Variants in NUP85 observed in about 807,000 individuals in gnomAD.
NUP85 encodes nucleoporin 85.
A neutral mutation model predicts 92.8 loss-of-function variants in NUP85; 23 were observed. The ratio of observed to expected loss-of-function variants is 0.25; its 90% CI spans 0.18 to 0.35. The LOEUF is 0.35. Ranked by LOEUF, NUP85 falls within the 10% of genes least tolerant of loss-of-function variation. The pLI is 1.00. For missense variants in NUP85, 759 were observed against 822.8 expected (o/e 0.92, Z 0.95); for synonymous variants, 314 against 306.9 (o/e 1.02, Z -0.24).
chr17:75,233,343 ATGTTTGTTTGTT>A (rs201486765), intron 16 of NUP85, among the ~76,000 whole-genome samples, 185 bp downstream of exon 16: 2 of 147,896 alleles, frequency 1.4e-5, no homozygotes, highest in Admixed American at 1.3e-4. Flanking sequence ...TAGTGCCTCC[ATGTTTGTTTGTT>A]TGTTTGTTTG....
chr17:75,219,640 G>A (rs1335344377), intron 7 of NUP85, among the ~76,000 whole-genome samples: 2 of 152,184 alleles, frequency 1.3e-5, no homozygotes, highest in Non-Finnish European at 2.9e-5. Context: ...GACTAAAACA[G>A]GCAAAGATTC....
rs1362146935 is a variant in NUP85, at chr17:75,231,618, G to C, written c.1224G>C (p.Ser408=). ...AGTTCCTCCTGCTGGAGTACGCCTC[G>C]GGACTGTTTGCTCATCCCAGGTAGG... ...MREFLLLEYA[S]GLFAHPSLWQ... The change falls in exon 13 of 19, where the codon TCG becomes TCC. Residue 408 remains serine (S), a synonymous_variant. Coordinates refer to ENST00000245544, the MANE Select transcript of NUP85 (RefSeq NM_024844.5). This position sits in a 1 kb window ranked among gnomAD's most constrained non-coding sequence, Gnocchi z 4.6. 6.2e-7 allele frequency: 1 copy of C among 1,614,040 alleles called. No individual in the cohort carries two copies. Among genetic ancestry groups the C allele is most frequent in the Non-Finnish European group, 8.5e-7 (1 of 1,180,038 alleles).
intron 11 of NUP85, among the ~76,000 whole-genome samples, chr17:75,227,217 C>T (rs1171860194): frequency 6.6e-6 from 1 of 151,886 alleles, no homozygotes; most frequent in East Asian, 1.9e-4. Flanking sequence ...GAAGAGTTTC[C>T]TTCGCCCTAC....
chr17:75,211,946 A>G (rs1568068629), intron 3 of NUP85, 46 bp from the exon 4 acceptor site: 1 of 1,462,836 alleles, frequency 6.8e-7, no homozygotes, highest in Admixed American at 1.8e-5. Context: ...TTGTGGCACT[A>G]CAAGATGTTC....
In NUP85 at chr17:75,225,358, CACTG is replaced by C; in HGVS notation, c.752_755del (p.Leu251GlnfsTer5). ...CTCCCTTAGCCCGGGAACACCCAGA[CACTG>C]ACAGAGCTGGAGCTGAAGTGGCAGC... is the stretch of plus-strand genomic sequence containing the variant. On this transcript the variant is annotated frameshift_variant, in exon 9 of 19. Transcript: ENST00000245544. LOFTEE classifies it high-confidence loss of function. 6.2e-7 allele frequency: 1 copy of C among 1,614,198 alleles called. No individual in the cohort carries two copies. The highest frequency in any genetic ancestry group is 8.5e-7 in the Non-Finnish European group (1 of 1,180,022).
At chr17:75,221,604 T>C (rs2075600917) in intron 7 of NUP85, among the ~76,000 whole-genome samples, 1 of 152,182 alleles carries the variant, frequency 6.6e-6, no homozygotes, top group Admixed American at 6.5e-5. Context: ...GTGGAGATAA[T>C]AATACCTGTC....
chr17:75,213,689 C>T (rs2075339868), intron 5 of NUP85, among the ~76,000 whole-genome samples: 2 of 151,834 alleles, frequency 1.3e-5, no homozygotes, highest in African/African-American at 4.8e-5. Flanking sequence ...GATCACTGCT[C>T]GGTCTCATAA....
intron 11 of NUP85, chr17:75,228,172 AAC>A: frequency 4.1e-6 from 4 of 985,218 alleles, no homozygotes; most frequent in Non-Finnish European, 3.6e-6. Flanking sequence ...TTAGGAATAA[AAC>A]AGATTTGAGC....
In NUP85 at chr17:75,209,985, A is replaced by G. The variant is rs763603635; in HGVS notation, c.290A>G (p.Gln97Arg). Residue 97 changes from glutamine (Q) to arginine (R), a missense_variant and splice_region_variant, in exon 3 of 19, where the codon CAA (glutamine) becomes CGA (arginine). Transcript: ENST00000245544. The part of the protein sequence containing the change: ...EELTGKSRKS[Q>R]LVRVSKNYRS... ...TTGACTGGAAAATCCAGAAAATCTC[A>G]GTAAGTTGGTTGCTGTTTGGTGTTG... 1 of 1,592,274 alleles carries G rather than the reference A, an allele frequency of 6.3e-7. No individual in the cohort carries two copies. The highest frequency in any genetic ancestry group is 1.2e-5 in the South Asian group (1 of 85,950).
At chr17:75,219,881 G>A (rs1207207020) in intron 7 of NUP85, among the ~76,000 whole-genome samples, 2 of 152,092 alleles carry the variant, frequency 1.3e-5, no homozygotes, top group African/African-American at 4.8e-5. Flanking sequence ...AGCAGGGCCT[G>A]TAGATGCTGT....
chr17:75,214,935 G>C (rs2075383675), intron 5 of NUP85, among the ~76,000 whole-genome samples: 1 of 152,086 alleles, frequency 6.6e-6, no homozygotes, highest in South Asian at 2.1e-4. Context: ...ACTTTGGGAG[G>C]CCGAGGCAGG....
At chr17:75,234,853 C>T (rs1215174771) in intron 17 of NUP85, 65 bp downstream of exon 17, 5 of 1,585,148 alleles carry the variant, frequency 3.2e-6, no homozygotes, top group Non-Finnish European at 3.5e-6. Flanking sequence ...AGTTGTATAG[C>T]TGTTGCCGAT....
intron 7 of NUP85, among the ~76,000 whole-genome samples, chr17:75,223,747 T>G (rs2075668148): frequency 6.6e-6 from 1 of 152,154 alleles, no homozygotes; most frequent in African/African-American, 2.4e-5. Context: ...CCATTTTATT[T>G]AATGCATTCT....
At chr17:75,226,350 C>T (rs2075794735) in intron 11 of NUP85, among the ~76,000 whole-genome samples, 193 bp downstream of exon 11, 1 of 152,164 alleles carries the variant, frequency 6.6e-6, no homozygotes, top group South Asian at 2.1e-4. Flanking sequence ...TCTCACCGTT[C>T]TGGAGGCTAG....
At position 75,226,172 on chromosome 17, in the gene NUP85, AC is replaced by A; in HGVS notation, c.1094+21del. On this transcript the variant is annotated intron_variant, in intron 11 of 18. Coordinates refer to ENST00000245544, the MANE Select transcript of NUP85 (RefSeq NM_024844.5). ...AAAGAGTGCAGGTAGGATCTCTCCC[AC>A]CCCCCACTGTAACCATTTTTAGGTG... 6 of 1,603,318 alleles carry A rather than the reference AC, an allele frequency of 3.7e-6. No homozygotes were observed. The highest frequency in any genetic ancestry group is 5.1e-6 in the Non-Finnish European group (6 of 1,171,048).
intron 11 of NUP85, among the ~76,000 whole-genome samples, chr17:75,230,108 A>G (rs2075988478): frequency 6.7e-6 from 1 of 148,322 alleles, no homozygotes; most frequent in African/African-American, 2.5e-5. Flanking sequence ...CAGTGGCACG[A>G]TCTCAGCTCA....
At chr17:75,234,116 A>G (rs1029167253) in intron 16 of NUP85, among the ~76,000 whole-genome samples, 1 of 147,686 alleles carries the variant, frequency 6.8e-6, no homozygotes, top group African/African-American at 2.5e-5. Context: ...CAGTGGTACA[A>G]TCTTGGCTCA....
chr17:75,215,124 T>G (rs189764065), intron 5 of NUP85, among the ~76,000 whole-genome samples: 87 of 152,316 alleles, frequency 5.7e-4, no homozygotes, highest in African/African-American at 2.0e-3. Flanking sequence ...TGAGCCAAGA[T>G]TATGCCACTG....
chr17:75,208,497 A>AT, intron 1 of NUP85, 30 bp from the exon 2 acceptor site: 1 of 1,154,418 alleles, frequency 8.7e-7, no homozygotes, highest in Non-Finnish European at 1.3e-6. Flanking sequence ...AACATTTTTC[A>AT]TTTTAGATTT....
Sources: allele counts gnomAD v4.1 joint callset (sites outside exome capture counted in the v4.1 genomes callset), GRCh38; gene constraint gnomAD v4.1.1; non-coding constraint Gnocchi (gnomAD v3.1); transcripts MANE v1.5; gene names NCBI Gene and HGNC (gene_info 2026-07-23, HGNC 2026-07-21).